Variants in SLC35D1 observed in about 807,000 individuals in gnomAD.
SLC35D1 encodes nucleotide sugar transporter SLC35D1.
In SLC35D1, 31 loss-of-function variants were observed where a neutral mutation model predicts 46.7. That is an observed-to-expected ratio of 0.66 (90% confidence interval 0.50 to 0.90). SLC35D1 has a LOEUF of 0.90. SLC35D1 is among the 40% of genes least tolerant of loss of function. The probability of loss-of-function intolerance (pLI) is 0.00; values close to 1 mark genes in which losing one functional copy is unlikely to be tolerated. For synonymous variants in SLC35D1, 195 were observed against 164.6 expected (o/e 1.18, Z -1.41); for missense variants, 397 against 426.2 (o/e 0.93, Z 0.60).
At chr1:67,008,733 G>A (rs1667502270) in intron 11 of SLC35D1, among the ~76,000 whole-genome samples, 1 of 152,048 alleles carries the variant, frequency 6.6e-6, no homozygotes, top group Non-Finnish European at 1.5e-5. Context: ...CCTGTGGCCA[G>A]GGAACAACAG....
chr1:66,974,852 A>G, the SLC35D1 span, among the ~76,000 whole-genome samples: 1 of 152,170 alleles, frequency 6.6e-6, no homozygotes, highest in Non-Finnish European at 1.5e-5. Context: ...CATAAGTTCT[A>G]TTTTGAGGGC....
At chr1:67,053,387 T>C (rs1645332431) in intron 1 of SLC35D1, among the ~76,000 whole-genome samples, 1 of 152,064 alleles carries the variant, frequency 6.6e-6, no homozygotes. Flanking sequence ...CCCCAGAGGC[T>C]GTCAGCGGGT....
intron 10 of SLC35D1, among the ~76,000 whole-genome samples, chr1:67,017,163 T>C (rs1667702301): frequency 6.6e-6 from 1 of 152,128 alleles, no homozygotes; most frequent in African/African-American, 2.4e-5. Context: ...ATCGCTATTC[T>C]TATTACACTT....
chr1:67,037,983 C>T (rs17129627), intron 8 of SLC35D1, among the ~76,000 whole-genome samples: 171 of 152,170 alleles, frequency 1.1e-3, no homozygotes, highest in African/African-American at 4.0e-3. Context: ...CACATTCCAG[C>T]TTGCCAAGTA....
the SLC35D1 span, chr1:66,988,657 CTACT>C: frequency 2.0e-5 from 3 of 152,290 alleles, no homozygotes; most frequent in East Asian, 1.9e-4. Flanking sequence ...CTTTTAAAGG[CTACT>C]TATTCTGTGA....
intron 8 of SLC35D1, among the ~76,000 whole-genome samples, chr1:67,037,450 A>G (rs1293033119): frequency 6.6e-6 from 1 of 152,116 alleles, no homozygotes; most frequent in Non-Finnish European, 1.5e-5. Flanking sequence ...TGTCTTTTGT[A>G]CCAGCTCTGA....
the SLC35D1 span, among the ~76,000 whole-genome samples, chr1:66,993,907 C>T: frequency 0.028 from 4,201 of 152,280 alleles, 58 homozygotes; most frequent in African/African-American, 0.037. Flanking sequence ...AAGTTAGTCA[C>T]CTCAAAGACG....
At chr1:67,036,590 C>T (rs1424039853) in intron 8 of SLC35D1, among the ~76,000 whole-genome samples, 1 of 151,962 alleles carries the variant, frequency 6.6e-6, no homozygotes, top group Non-Finnish European at 1.5e-5. Flanking sequence ...GTAAGTATAG[C>T]TACTTCTGCT....
intron 6 of SLC35D1, among the ~76,000 whole-genome samples, chr1:67,048,603 C>T (rs562984230): frequency 5.9e-4 from 90 of 152,232 alleles, no homozygotes; most frequent in Admixed American, 1.4e-3. Context: ...ACCTATACTA[C>T]AGGAATGTGA....
At chr1:67,015,624 A>T (rs186271185) in intron 10 of SLC35D1, among the ~76,000 whole-genome samples, 3 of 152,336 alleles carry the variant, frequency 2.0e-5, no homozygotes, top group Admixed American at 1.3e-4. Context: ...CCTGGCCTCA[A>T]ATGATCCCCC....
the SLC35D1 span, chr1:66,988,568 A>C: frequency 6.6e-6 from 1 of 152,242 alleles, no homozygotes; most frequent in Admixed American, 6.5e-5. Flanking sequence ...GTCTTTAGTT[A>C]GTATAAAGAA....
At chr1:66,976,553 TTAAAAAGGAG>T in the SLC35D1 span, 5 of 1,526,782 alleles carry the variant, frequency 3.3e-6, no homozygotes, top group Non-Finnish European at 4.4e-6. Context: ...AGTAACTTTG[TTAAAAAGGAG>T]ATTCTTAAAA....
intron 8 of SLC35D1, among the ~76,000 whole-genome samples, chr1:67,023,219 G>A (rs992439982): frequency 2.1e-4 from 32 of 152,076 alleles, no homozygotes; most frequent in Admixed American, 1.5e-3. Flanking sequence ...CATTTGGTTA[G>A]GTGTATCTTT....
Position 67,052,759 on chromosome 1 carries a change from T to G in SLC35D1, c.324+12A>C. 6.2e-7 allele frequency: 1 copy of G among 1,613,734 alleles called. No individual in the cohort carries two copies. Among genetic ancestry groups the G allele is most frequent in the Non-Finnish European group, 8.5e-7 (1 of 1,179,628 alleles). ...CATTTCACAAAATAAAGTATCGCTT[T>G]TCTTCTTTTACCTTTCGAGGTACAT... is the stretch of plus-strand genomic sequence containing the variant. On this transcript the variant is annotated intron_variant, in intron 3 of 11. Coordinates refer to ENST00000235345, the MANE Select transcript of SLC35D1 (RefSeq NM_015139.3).
chr1:67,052,021 T>C lies in SLC35D1; in HGVS notation c.383A>G (p.Lys128Arg). ...ATAAAGTTATCCATACTTCAGTTTC[T>C]TTGTGCTGAACAGTCCCGTGATTTG... is the stretch of plus-strand genomic sequence containing the variant. ...GNQITGLFST[K>R]KLNLPMFTVL... is the part of the protein sequence containing the mutation. The change falls in exon 4 of 12, where the codon AAG becomes AGG. Residue 128 changes from lysine to arginine, a missense_variant. By Grantham distance (26) the Lys-to-Arg change is conservative. Transcript: ENST00000235345. 2 of 1,605,932 alleles carry C rather than the reference T, an allele frequency of 1.2e-6. No homozygotes were observed. The highest frequency in any genetic ancestry group is 1.7e-6 in the Non-Finnish European group (2 of 1,172,644).
intron 11 of SLC35D1, among the ~76,000 whole-genome samples, chr1:67,007,021 G>A (rs1431148496): frequency 6.6e-6 from 1 of 152,100 alleles, no homozygotes; most frequent in Non-Finnish European, 1.5e-5. Context: ...ATCTATCTAA[G>A]CTTGTCTGAG....
In SLC35D1 at chr1:67,001,043, T is replaced by C. The variant is rs1414604868; in HGVS notation, c.*3297A>G. The stretch of plus-strand genomic sequence containing the variant: ...AGGTTTCCATATCTGGCTAAAGAAT[T>C]ACACACTCCTTGAAAGCAAGAACCA... On this transcript the variant is annotated 3_prime_UTR_variant, in exon 12 of 12. Transcript: ENST00000235345. 6.6e-6 allele frequency: 1 copy of C among 152,302 alleles called. No individual in the cohort carries two copies. The highest frequency in any genetic ancestry group is 1.9e-4 in the East Asian group (1 of 5,330). 9.4% of individuals were successfully genotyped at this position (152,302 alleles called of 1,614,324 possible).
Position 67,052,937 on chromosome 1 carries a change from G to A in SLC35D1, c.237+19C>T, listed in dbSNP as rs1645326173. On this transcript the variant is annotated intron_variant, in intron 2 of 11. Transcript: ENST00000235345. ...GTTCTAACAACATAAACCACGTAAT[G>A]GTGAGGATTCCAACTAACCTGGCCA... is the stretch of plus-strand genomic sequence containing the variant. 6 of 1,613,934 alleles carry A rather than the reference G, an allele frequency of 3.7e-6. No individual in the cohort carries two copies. Among genetic ancestry groups the A allele is most frequent in the Admixed American group, 1.7e-5 (1 of 60,004 alleles).
the SLC35D1 span, chr1:66,973,034 G>T: frequency 9.6e-7 from 1 of 1,043,324 alleles, no homozygotes; most frequent in South Asian, 1.3e-5. Context: ...AAATTTAGTT[G>T]AACAACTCAA....
Sources: allele counts gnomAD v4.1 joint callset (sites outside exome capture counted in the v4.1 genomes callset), GRCh38; gene constraint gnomAD v4.1.1; transcripts MANE v1.5; gene names NCBI Gene and HGNC (gene_info 2026-07-23, HGNC 2026-07-21).